Variants in PHKB observed in about 807,000 individuals in gnomAD.
PHKB encodes the protein phosphorylase b kinase regulatory subunit beta.
In PHKB, 122 loss-of-function variants were observed where a neutral mutation model predicts 152.1. The ratio of observed to expected loss-of-function variants is 0.80; its 90% CI spans 0.69 to 0.93. The LOEUF (loss-of-function observed/expected upper bound fraction) is 0.93. Ranked by LOEUF, PHKB falls within the 40% of genes least tolerant of loss-of-function variation. The pLI is 0.00. For missense variants in PHKB, 1,304 were observed against 1,328.4 expected (o/e 0.98, Z 0.29); for synonymous variants, 436 against 464.9 (o/e 0.94, Z 0.80).
At chr16:47,566,167 C>A in intron 7 of PHKB, 2 of 669,702 alleles carry the variant, frequency 3.0e-6, no homozygotes, top group Non-Finnish European at 2.7e-6. Context: ...CAATCCATAT[C>A]CCTGCATGGG....
chr16:47,680,554 G>A (rs1286184341), intron 26 of PHKB, among the ~76,000 whole-genome samples: 6 of 152,060 alleles, frequency 3.9e-5, no homozygotes, highest in South Asian at 2.1e-4. Context: ...GTTTATTTGC[G>A]TAGAGGTGTT....
intron 6 of PHKB, among the ~76,000 whole-genome samples, chr16:47,530,299 C>T (rs1970839614): frequency 6.6e-6 from 1 of 152,050 alleles, no homozygotes; most frequent in South Asian, 2.1e-4. Context: ...CCATGCGCAA[C>T]TAATGTTTGT....
chr16:47,627,911 T>G (rs1021664086), intron 14 of PHKB, among the ~76,000 whole-genome samples: 2 of 152,138 alleles, frequency 1.3e-5, no homozygotes, highest in Non-Finnish European at 2.9e-5. Flanking sequence ...GTGTTTCCAG[T>G]TGGAATTGAG....
Position 47,648,604 on chromosome 16 carries a change from C to T in PHKB, c.1680C>T (p.Leu560=), listed in dbSNP as rs1162948454. 6.2e-7 allele frequency: 1 copy of T among 1,610,528 alleles called. No individual in the cohort carries two copies. The highest frequency in any genetic ancestry group is 2.2e-5 in the East Asian group (1 of 44,832). The change falls in exon 17 of 31, where the codon CTC becomes CTT. Residue 560 remains leucine (L), a synonymous_variant. Coordinates refer to ENST00000323584, the MANE Select transcript of PHKB (RefSeq NM_000293.3). ...SGRPDRPIGC[L]GTSKIYRILG... is the part of the protein sequence containing the mutation. ...GGCCAGACAGGCCCATTGGCTGCCT[C>T]GGGACATCAAAGGTACTCATGAAAT... is the stretch of plus-strand genomic sequence containing the variant.
chr16:47,673,455 TCCTTCAGGAAATGACCAAGTTAAA>T (rs1973671519), intron 26 of PHKB, among the ~76,000 whole-genome samples: 1 of 152,146 alleles, frequency 6.6e-6, no homozygotes, highest in Non-Finnish European at 1.5e-5. Flanking sequence ...TTAAATCATG[TCCTTCAGGAAATGACCAAGTTAAA>T]CAGGGCCTTG....
chr16:47,580,591 TAAAGA>T (rs1971827221), intron 8 of PHKB, among the ~76,000 whole-genome samples: 1 of 151,572 alleles, frequency 6.6e-6, no homozygotes, highest in African/African-American at 2.4e-5. Flanking sequence ...TTTTTTTTGA[TAAAGA>T]ATTCTGATTT....
chr16:47,555,872 G>A lies in PHKB; in HGVS notation c.710+8324G>A, dbSNP rs1379467034. ...TCTATAAATTACCATGGGCAGTATGGCCATTTTCACGATATTGATTCTTCC... is the reference window on the plus strand; with the variant it reads ...TCTATAAATTACCATGGGCAGTATGACCATTTTCACGATATTGATTCTTCC... On this transcript the variant is annotated intron_variant, in intron 7 of 30. Coordinates refer to ENST00000323584, the MANE Select transcript of PHKB (RefSeq NM_000293.3). Among the ~76,000 whole-genome samples, 4 of 152,130 alleles carry A rather than the reference G, an allele frequency of 2.6e-5. No homozygotes were observed. In the South Asian group the frequency reaches 8.3e-4, roughly 32 times the overall value.
chr16:47,483,845 G>T (rs895113358), intron 1 of PHKB, among the ~76,000 whole-genome samples: 3 of 152,170 alleles, frequency 2.0e-5, no homozygotes, highest in Non-Finnish European at 4.4e-5. Flanking sequence ...TCAGAGTATA[G>T]TAATTTCATT....
chr16:47,594,071 T>C lies in PHKB; in HGVS notation c.1127-66T>C, dbSNP rs1972077176. 3 of 805,926 alleles carry C rather than the reference T, an allele frequency of 3.7e-6. No homozygotes were observed. In the Admixed American group the frequency reaches 5.9e-5, roughly 16 times the overall value. The allele number at this position is 805,926 out of a possible 1,614,324, so 49.9% of individuals were successfully genotyped here. On this transcript the variant is annotated intron_variant, in intron 11 of 30. Transcript: ENST00000323584. Reference sequence around the variant, plus strand: ...TGTAACTGGGCTAATATATTTTTTCTAAGGTAAAATTTTTGAGATCCTTAT... The same window carrying C: ...TGTAACTGGGCTAATATATTTTTTCCAAGGTAAAATTTTTGAGATCCTTAT...
intron 30 of PHKB, 96 bp from the exon 31 acceptor site, chr16:47,699,133 G>C (rs758096376): frequency 4.4e-6 from 5 of 1,124,242 alleles, no homozygotes; most frequent in Non-Finnish European, 6.8e-6. Flanking sequence ...AAATCTTTAT[G>C]TGAATTTATT....
At chr16:47,652,352 C>A (rs1184924511) in intron 20 of PHKB, among the ~76,000 whole-genome samples, 2 of 150,046 alleles carry the variant, frequency 1.3e-5, no homozygotes, top group Non-Finnish European at 3.0e-5. Flanking sequence ...GTTTTTCAAT[C>A]CTTGCCCTCC....
chr16:47,614,852 T>C (rs1425712130), intron 14 of PHKB, among the ~76,000 whole-genome samples: 1 of 152,158 alleles, frequency 6.6e-6, no homozygotes, highest in Non-Finnish European at 1.5e-5. Context: ...GTCCCAGCCT[T>C]CTTCTGTTAT....
At chr16:47,636,754 G>A in intron 14 of PHKB, among the ~76,000 whole-genome samples, 1 of 152,198 alleles carries the variant, frequency 6.6e-6, no homozygotes, top group South Asian at 2.1e-4. Context: ...GTATCCCTTG[G>A]CACAAACAGC....
intron 25 of PHKB, among the ~76,000 whole-genome samples, chr16:47,667,079 A>G (rs1431049391): frequency 6.6e-6 from 1 of 152,200 alleles, no homozygotes; most frequent in Non-Finnish European, 1.5e-5. Flanking sequence ...TGTTAGAATA[A>G]TAAGCTATTT....
rs371441356 is a variant in PHKB, at chr16:47,658,061, A to C, written c.1972-2445A>C. The stretch of plus-strand genomic sequence containing the variant: ...TAAGCCTCCAATGACTTCCTCTCTC[A>C]CACAAAGTGGAAACCAGAGTTCTTC... On this transcript the variant is annotated intron_variant, in intron 20 of 30. Coordinates refer to ENST00000323584, the MANE Select transcript of PHKB (RefSeq NM_000293.3). Among the ~76,000 whole-genome samples, 6 of 152,134 alleles carry C rather than the reference A, an allele frequency of 3.9e-5. No homozygotes were observed. In the East Asian group the frequency reaches 1.2e-3, roughly 29 times the overall value.
intron 26 of PHKB, among the ~76,000 whole-genome samples, chr16:47,687,336 G>A (rs749888104): frequency 8.5e-5 from 13 of 152,280 alleles, no homozygotes; most frequent in South Asian, 2.1e-4. Flanking sequence ...CAGCTTTAAC[G>A]TCAAAGCATC....
intron 14 of PHKB, among the ~76,000 whole-genome samples, chr16:47,616,742 A>C (rs1972525960): frequency 6.6e-6 from 1 of 151,290 alleles, no homozygotes; most frequent in South Asian, 2.1e-4. Flanking sequence ...GCGGTGCTAG[A>C]GGAATTAAAG....
At chr16:47,554,972 C>G (rs927681585) in intron 7 of PHKB, among the ~76,000 whole-genome samples, 2 of 152,190 alleles carry the variant, frequency 1.3e-5, no homozygotes, top group Non-Finnish European at 2.9e-5. Context: ...GGCCATCTTG[C>G]CAGACTCCTG....
intron 7 of PHKB, among the ~76,000 whole-genome samples, chr16:47,555,930 T>C (rs1035285090): frequency 6.6e-6 from 1 of 152,238 alleles, no homozygotes; most frequent in Non-Finnish European, 1.5e-5. Flanking sequence ...TTCCATTTCT[T>C]TGTATCCTCT....
Sources: allele counts gnomAD v4.1 joint callset (sites outside exome capture counted in the v4.1 genomes callset), GRCh38; gene constraint gnomAD v4.1.1; transcripts MANE v1.5; gene names NCBI Gene and HGNC (gene_info 2026-07-23, HGNC 2026-07-21).